The following FLG2 variants were observed in gnomAD, a reference collection of about 807,000 sequenced individuals.
FLG2 encodes filaggrin-2.
FLG2 carries 7 observed loss-of-function variants against 3.9 expected under a neutral mutation model. The observed-to-expected ratio is 1.79, with a 90% CI of 1.02 to 3.36. The LOEUF is 3.36. FLG2 is among the 30% of genes most tolerant of loss of function. The pLI, the probability that FLG2 is intolerant of heterozygous loss-of-function variation, is 0.00. For synonymous variants in FLG2, 1,031 were observed against 1,056.1 expected, an observed-to-expected ratio of 0.98 and a Z score of 0.46; for missense variants, 2,700 against 2,809.4, an observed-to-expected ratio of 0.96 and a Z score of 0.88.
chr1:152,358,607 A>G, intron 2 of FLG2, 140 bp downstream of exon 2: 1 of 744,996 alleles, frequency 1.3e-6, no homozygotes, highest in Non-Finnish European at 2.1e-6. Flanking sequence ...GCTTTAACAG[A>G]CTTTCTGGCA....
At position 152,352,568 on chromosome 1, in the gene FLG2, C is replaced by G; in HGVS notation, c.5218G>C (p.Val1740Leu). The change falls in exon 3 of 3, where the codon GTC (valine) becomes CTC (leucine). Residue 1740 changes from valine (V) to leucine (L), a missense_variant. By Grantham distance (32) the Val-to-Leu change is conservative. Coordinates refer to ENST00000388718, the MANE Select transcript of FLG2 (RefSeq NM_001014342.3). ...EYSDSEGYSGVSHTHSGHTHG... is the reference protein window; with the variant it reads ...EYSDSEGYSGLSHTHSGHTHG... ...GTGTGTCCTGAATGTGTATGTGAGA[C>G]TCCTGAGTACCCTTCACTGTCACTG... 6.2e-7 allele frequency: 1 copy of G among 1,612,476 alleles called. No homozygotes were observed. Among genetic ancestry groups the G allele is most frequent in the East Asian group, 2.2e-5 (1 of 44,780 alleles).
chr1:152,358,344 T>G (rs1406613597), intron 2 of FLG2, among the ~76,000 whole-genome samples: 1 of 152,198 alleles, frequency 6.6e-6, no homozygotes, highest in Non-Finnish European at 1.5e-5. Flanking sequence ...GTAGATGGAA[T>G]AAAATGCTGG....
chr1:152,352,238 G>C lies in FLG2; in HGVS notation c.5548C>G (p.Gln1850Glu). The C allele has an allele frequency of 6.2e-7, 1 of 1,614,018 alleles. No homozygotes were observed. Among genetic ancestry groups the C allele is most frequent in the Non-Finnish European group, 8.5e-7 (1 of 1,179,988 alleles). The change falls in exon 3 of 3, where the codon CAG becomes GAG. Residue 1850 changes from glutamine (Q) to glutamate (E), a missense_variant. Physicochemically the swap from Gln to Glu is conservative, Grantham distance 29. Transcript: ENST00000388718. ...GAATGTCCACTGGTATCTCCTGTCT[G>C]TCCATGAGTAGTTCCATGTCTCTCG... ...VDERHGTTHG[Q>E]TGDTSGHSQS...
At chr1:152,358,622 CAAAA>C in intron 2 of FLG2, 121 bp downstream of exon 2, 7 of 889,026 alleles carry the variant, frequency 7.9e-6, no homozygotes, top group South Asian at 2.2e-5. Context: ...CTGGCATCCC[CAAAA>C]TACCACTCAT....
chr1:152,352,498 A>G lies in FLG2; in HGVS notation c.5288T>C (p.Val1763Ala). Residue 1763 changes from valine to alanine, a missense_variant, in exon 3 of 3, where the codon GTT becomes GCT. By Grantham distance (64) the Val-to-Ala change is moderately conservative (BLOSUM62 0). Transcript: ENST00000388718. ...ATGTATAGTTCCATGTCTCTCATGAACTATGGATTCTGACTCTCCATGTTG... is the reference window on the plus strand; with the variant it reads ...ATGTATAGTTCCATGTCTCTCATGAGCTATGGATTCTGACTCTCCATGTTG... ...RSQHGESESI[V>A]HERHGTIHGQ... 1 of 1,611,750 alleles carries G rather than the reference A, an allele frequency of 6.2e-7. No individual in the cohort carries two copies. Among genetic ancestry groups the G allele is most frequent in the Non-Finnish European group, 8.5e-7 (1 of 1,179,490 alleles).
rs77345168 is a variant in FLG2 at position 152,351,623 on chromosome 1, C to T, written c.6163G>A (p.Gly2055Arg). Residue 2055 changes from glycine (G) to arginine (R), a missense_variant, in exon 3 of 3, where the codon GGA becomes AGA. Gly to Arg is a moderately radical substitution (Grantham distance 125). Transcript: ENST00000388718. Reference sequence around the variant, plus strand: ...GATCCTGACTCTCCATGTTGAGATCCGGCTTGGCCATGAGCGTGTCCTGAA... The same window carrying T: ...GATCCTGACTCTCCATGTTGAGATCTGGCTTGGCCATGAGCGTGTCCTGAA... ...THSGHAHGQA[G>R]SQHGESGSSV... is the part of the protein sequence containing the mutation. 8,982 of 1,583,208 alleles carry T rather than the reference C, an allele frequency of 5.7e-3. 645 individuals are homozygous for T. The East Asian group carries it at 0.16, about 29-fold the overall frequency.
chr1:152,354,855 A>G lies in FLG2; in HGVS notation c.2931T>C (p.His977=). ...CAGAGGATTTTCCTGAGCCTGACTC[A>G]TGTTGTCCAAAGCCAGAGGACTGAC... ...GSGQSSGFGQ[H]ESGSGKSSGF... The change falls in exon 3 of 3, where the codon CAT becomes CAC. Residue 977 remains histidine (H), a synonymous_variant. Transcript: ENST00000388718. 1 of 1,613,686 alleles carries G rather than the reference A, an allele frequency of 6.2e-7. No individual in the cohort carries two copies. Among genetic ancestry groups the G allele is most frequent in the South Asian group, 1.1e-5 (1 of 91,040 alleles).
rs1241961745 is a variant in FLG2 at position 152,354,668 on chromosome 1, G to T, written c.3118C>A (p.Gln1040Lys). 6.2e-7 allele frequency: 1 copy of T among 1,613,934 alleles called. No individual in the cohort carries two copies. The highest frequency in any genetic ancestry group is 8.5e-7 in the Non-Finnish European group (1 of 1,180,036). ...SSSGQYSGFG[Q>K]HGSGSDQSSG... ...GACTGATCTGAGCCTGATCCATGTT[G>T]TCCAAAGCCTGAGTATTGGCCTGAG... is the stretch of plus-strand genomic sequence containing the variant. Residue 1040 changes from glutamine to lysine, a missense_variant, in exon 3 of 3, where the codon CAA (glutamine) becomes AAA (lysine). Coordinates refer to ENST00000388718, the MANE Select transcript of FLG2 (RefSeq NM_001014342.3).
Position 152,355,044 on chromosome 1 carries a change from C to T in FLG2, c.2742G>A (p.Glu914=). ...SGQYSGFGQH[E]SRSHQSSYGQ... ...CATAGCTAGACTGATGTGATCTAGA[C>T]TCATGTTGTCCAAAACCAGAGTATT... is the stretch of plus-strand genomic sequence containing the variant. Residue 914 remains glutamate, a synonymous_variant, in exon 3 of 3, where the codon GAG becomes GAA. Transcript: ENST00000388718. 2 of 1,556,120 alleles carry T rather than the reference C, an allele frequency of 1.3e-6. No homozygotes were observed. The highest frequency in any genetic ancestry group is 1.7e-6 in the Non-Finnish European group (2 of 1,151,640).
chr1:152,351,106 C>A lies in FLG2; in HGVS notation c.6680G>T (p.Gly2227Val). 1.2e-6 allele frequency: 2 copies of A among 1,613,822 alleles called. No homozygotes were observed. Among genetic ancestry groups the A allele is most frequent in the Non-Finnish European group, 1.7e-6 (2 of 1,179,962 alleles). Reference sequence around the variant, plus strand: ...ATAGTGGGCATGTCTAGTGGTATCTCCTGTCTGTCCATGAGTAGTTCCCTG... The same window carrying A: ...ATAGTGGGCATGTCTAGTGGTATCTACTGTCTGTCCATGAGTAGTTCCCTG... ...GRQGTTHGQT[G>V]DTTRHAHYGY... Residue 2227 changes from glycine to valine, a missense_variant, in exon 3 of 3, where the codon GGA becomes GTA. By Grantham distance (109) the Gly-to-Val change is moderately radical. Transcript: ENST00000388718.
In FLG2 at chr1:152,351,558, T is replaced by C. The variant is rs1653922937; in HGVS notation, c.6228A>G (p.Thr2076=). The change falls in exon 3 of 3, where the codon ACA becomes ACG. Residue 2076 remains threonine, a synonymous_variant. Coordinates refer to ENST00000388718, the MANE Select transcript of FLG2 (RefSeq NM_001014342.3). The part of the protein sequence containing the change: ...HERHGTTHGQ[T]GDTTRHAHSG... ...AGTGAGCATGTCTAGTGGTATCTCC[T>C]GTCTGTCCATGAGTAGTTCCGTGTC... is the stretch of plus-strand genomic sequence containing the variant. 6.2e-7 allele frequency: 1 copy of C among 1,612,646 alleles called. No individual in the cohort carries two copies. The highest frequency in any genetic ancestry group is 1.7e-5 in the Admixed American group (1 of 59,802).
At chr1:152,358,276 C>T (rs1291663519) in intron 2 of FLG2, among the ~76,000 whole-genome samples, 1 of 152,136 alleles carries the variant, frequency 6.6e-6, no homozygotes, top group East Asian at 1.9e-4. Flanking sequence ...CCACTTCGGC[C>T]TCCCAAAGTG....
At chr1:152,358,460 G>A (rs540681671) in intron 2 of FLG2, among the ~76,000 whole-genome samples, 14 of 151,776 alleles carry the variant, frequency 9.2e-5, no homozygotes, top group East Asian at 1.9e-4. Context: ...TTATTAATTC[G>A]TGTCCTAGTA....
At position 152,357,063 on chromosome 1, in the gene FLG2, T is replaced by G. The variant is rs371960195; in HGVS notation, c.723A>C (p.Ser241=). The change falls in exon 3 of 3, where the codon TCA becomes TCC. Residue 241 remains serine (S), a synonymous_variant. Transcript: ENST00000388718. ...SWERKGHGGL[S]CGLETSGHES... is the part of the protein sequence containing the mutation. ...CATGCCCACTAGTCTCCAATCCACATGACAGACCACCATGACCTTTCCTTT... is the reference window on the plus strand; with the variant it reads ...CATGCCCACTAGTCTCCAATCCACAGGACAGACCACCATGACCTTTCCTTT... 39 of 1,614,120 alleles carry G rather than the reference T, an allele frequency of 2.4e-5. No homozygotes were observed. The highest frequency in any genetic ancestry group is 3.2e-5 in the Non-Finnish European group (38 of 1,180,046).
rs753314889 is a variant in FLG2 at position 152,356,946 on chromosome 1, A to T, written c.840T>A (p.Cys280Ter). 1 of 1,614,150 alleles carries T rather than the reference A, an allele frequency of 6.2e-7. No homozygotes were observed. The highest frequency in any genetic ancestry group is 2.2e-5 in the East Asian group (1 of 44,874). The change falls in exon 3 of 3, where the codon TGT becomes TGA. Residue 280 changes from cysteine (C) to a stop codon, truncating the protein, a stop_gained. Coordinates refer to ENST00000388718, the MANE Select transcript of FLG2 (RefSeq NM_001014342.3). LOFTEE classifies it low-confidence loss of function (END_TRUNC). ...CACACCCACTTGAATTGCTATAACC[A>T]CATGCATGACTTCGCCTCCCACTGT... The part of the protein sequence containing the change: ...SGDSGRRSHA[C>*]GYSNSSGCGR...
chr1:152,358,112 C>G (rs189103853), intron 2 of FLG2, among the ~76,000 whole-genome samples: 4 of 151,910 alleles, frequency 2.6e-5, no homozygotes, highest in Admixed American at 2.6e-4. Flanking sequence ...AGCTCTGCCT[C>G]CCAGGTTCAC....
In FLG2 at chr1:152,351,668, A is replaced by C. The variant is rs1280703298; in HGVS notation, c.6118T>G (p.Ser2040Ala). 6.2e-7 allele frequency: 1 copy of C among 1,610,332 alleles called. No homozygotes were observed. The highest frequency in any genetic ancestry group is 1.4e-5 in the African/African-American group (1 of 73,562). ...HSEYSDSEGH[S>A]GVSHTHSGHA... ...CCTGAATGTGTGTGTGAGACCCCTG[A>C]GTGCCCTTCACTGTCACTGTACTCA... The change falls in exon 3 of 3, where the codon TCA becomes GCA. Residue 2040 changes from serine to alanine, a missense_variant. Physicochemically the swap from Ser to Ala is moderately conservative, Grantham distance 99. Transcript: ENST00000388718.
chr1:152,352,289 G>A lies in FLG2; in HGVS notation c.5497C>T (p.His1833Tyr). ...GHTHGQAGSQ[H>Y]GESESIVDER... ...TCAACTATGGATTCTGACTCTCCAT[G>A]TTGAGATCCAGCCTGGCCGTGAGTG... Residue 1833 changes from histidine (H) to tyrosine (Y), a missense_variant, in exon 3 of 3, where the codon CAT (histidine) becomes TAT (tyrosine). Coordinates refer to ENST00000388718, the MANE Select transcript of FLG2 (RefSeq NM_001014342.3). 1 of 1,613,396 alleles carries A rather than the reference G, an allele frequency of 6.2e-7. No homozygotes were observed. The highest frequency in any genetic ancestry group is 8.5e-7 in the Non-Finnish European group (1 of 1,179,840).
At position 152,356,925 on chromosome 1, in the gene FLG2, C is replaced by A; in HGVS notation, c.861G>T (p.Gly287=). 6.2e-7 allele frequency: 1 copy of A among 1,614,192 alleles called. No homozygotes were observed. Among genetic ancestry groups the A allele is most frequent in the South Asian group, 1.1e-5 (1 of 91,074 alleles). ...TTGAAGCATTTTGTGGCCTTCCACA[C>A]CCACTTGAATTGCTATAACCACATG... ...SHACGYSNSS[G]CGRPQNASSS... The change falls in exon 3 of 3, where the codon GGG becomes GGT. Residue 287 remains glycine (G), a synonymous_variant. Transcript: ENST00000388718.
Sources: allele counts gnomAD v4.1 joint callset (sites outside exome capture counted in the v4.1 genomes callset), GRCh38; gene constraint gnomAD v4.1.1; transcripts MANE v1.5; gene names NCBI Gene and HGNC (gene_info 2026-07-23, HGNC 2026-07-21).